Variants in UBIAD1 observed in about 807,000 individuals in gnomAD.
UBIAD1 encodes UbiA prenyltransferase domain containing 1, also known as ubiA prenyltransferase domain-containing protein 1.
Under a neutral mutation model 20.1 loss-of-function variants are expected in UBIAD1, and 12 were observed. The ratio of observed to expected loss-of-function variants is 0.60; its 90% confidence interval spans 0.38 to 0.97. The LOEUF (loss-of-function observed/expected upper bound fraction) is 0.97, where lower values mean the gene tolerates loss of function less well. Among genes scored for constraint, UBIAD1 ranks in the 50% least tolerant of loss-of-function variants. UBIAD1 has a pLI of 0.00. For missense variants in UBIAD1, 333 were observed against 419.5 expected (o/e 0.79, Z 1.80); for synonymous variants, 207 against 189.2 (o/e 1.09, Z -0.77).
chr1:11,285,783 C>T lies in UBIAD1; in HGVS notation c.669C>T (p.Leu223=), dbSNP rs1020032732. Residue 223 remains leucine (L), a synonymous_variant, in exon 2 of 2, where the codon CTC becomes CTT. Transcript: ENST00000376810. This position sits in a 1 kb window ranked among gnomAD's most constrained non-coding sequence, Gnocchi z 4.4. The part of the protein sequence containing the change: ...FPLVYAIPLA[L]STEAILHSNN... ...TGGTCTATGCCATCCCCCTCGCCCTCAGCACCGAGGCCATTCTCCATTCCA... is the reference window on the plus strand; with the variant it reads ...TGGTCTATGCCATCCCCCTCGCCCTTAGCACCGAGGCCATTCTCCATTCCA... The T allele has an allele frequency of 1.2e-6, 2 of 1,614,218 alleles. No individual in the cohort carries two copies. The highest frequency in any genetic ancestry group is 2.2e-5 in the East Asian group (1 of 44,878).
downstream of UBIAD1, among the ~76,000 whole-genome samples, chr1:11,296,832 T>C (rs1366437719): frequency 6.6e-6 from 1 of 152,106 alleles, no homozygotes; most frequent in Non-Finnish European, 1.5e-5. Flanking sequence ...CTTTCCTTTC[T>C]TATGGATGAC....
chr1:11,290,055 G>A (rs530244669), downstream of UBIAD1, among the ~76,000 whole-genome samples: 4 of 152,038 alleles, frequency 2.6e-5, no homozygotes, highest in South Asian at 2.1e-4. Context: ...TAGTAGAGAC[G>A]GGGTTTTACC....
chr1:11,293,827 C>G (rs1356471180), intron 1 of UBIAD1, among the ~76,000 whole-genome samples: 2 of 152,234 alleles, frequency 1.3e-5, no homozygotes, highest in African/African-American at 4.8e-5. Flanking sequence ...AGGCACCCAC[C>G]ACCATGCCCA....
chr1:11,273,582 G>A lies in UBIAD1; in HGVS notation c.51G>A (p.Glu17=), dbSNP rs147500405. 185 of 1,613,692 alleles carry A rather than the reference G, an allele frequency of 1.1e-4. No homozygotes were observed. The African/African-American group carries it at 2.3e-3, about 20-fold the overall frequency. ...LGEKINILSG[E]TVKAGDRDPL... is the part of the protein sequence containing the mutation. ...AGAAGATTAACATCCTGTCGGGAGA[G>A]ACTGTCAAAGCTGGGGACAGGGACC... is the stretch of plus-strand genomic sequence containing the variant. The change falls in exon 1 of 2, where the codon GAG becomes GAA. Residue 17 remains glutamate (E), a synonymous_variant. Coordinates refer to ENST00000376810, the MANE Select transcript of UBIAD1 (RefSeq NM_013319.3). The surrounding 1 kb of genome is among the most constrained non-coding windows in gnomAD (Gnocchi z 4.9).
At chr1:11,293,166 G>A (rs1294715831), downstream of UBIAD1, among the ~76,000 whole-genome samples, 3 of 152,234 alleles carry the variant, frequency 2.0e-5, no homozygotes, top group Non-Finnish European at 4.4e-5. Flanking sequence ...AGGCTGAGTG[G>A]GGTATCACAA....
In UBIAD1 at chr1:11,273,304, G is replaced by C. The variant is rs1338683065; in HGVS notation, c.-228G>C. On this transcript the variant is annotated 5_prime_UTR_variant, in exon 1 of 2. Transcript: ENST00000376810. The surrounding 1 kb of genome is among the most constrained non-coding windows in gnomAD (Gnocchi z 4.9). ...GGCTCTAACGCGGGGCTGGGGGCCGGAGACAGACTTCGCCCAGGTGACGGG... is the reference window on the plus strand; with the variant it reads ...GGCTCTAACGCGGGGCTGGGGGCCGCAGACAGACTTCGCCCAGGTGACGGG... The C allele has an allele frequency of 1.7e-6, 1 of 588,742 alleles. No homozygotes were observed. Among genetic ancestry groups the C allele is most frequent in the South Asian group, 2.0e-5 (1 of 50,804 alleles). The allele number at this position is 588,742 out of a possible 1,614,324, so 36.5% of individuals were successfully genotyped here.
chr1:11,297,049 G>A (rs1295858441), downstream of UBIAD1, among the ~76,000 whole-genome samples: 3 of 152,172 alleles, frequency 2.0e-5, no homozygotes, highest in African/African-American at 7.2e-5. Context: ...AGATCTCTAT[G>A]CTCCCAGAGC....
downstream of UBIAD1, chr1:11,291,925 A>G (rs1347458308): frequency 2.0e-5 from 3 of 152,120 alleles, no homozygotes; most frequent in African/African-American, 7.2e-5. Context: ...TTCAAAGGGT[A>G]AAACTAGGAC....
At chr1:11,289,774 G>A (rs1280327519), downstream of UBIAD1, among the ~76,000 whole-genome samples, 3 of 151,830 alleles carry the variant, frequency 2.0e-5, no homozygotes, top group Non-Finnish European at 4.4e-5. Flanking sequence ...TCTGTCGCAC[G>A]GGCTAGAGTG....
chr1:11,276,867 TATAAG>T (rs747410002), intron 1 of UBIAD1, among the ~76,000 whole-genome samples: 69 of 152,246 alleles, frequency 4.5e-4, no homozygotes, highest in Non-Finnish European at 6.3e-4. Flanking sequence ...CATTTTTTAT[TATAAG>T]ATAGGTATCA....
At chr1:11,279,189 TTGG>T (rs1652162485) in intron 1 of UBIAD1, 1 of 231,714 alleles carries the variant, frequency 4.3e-6, no homozygotes, top group African/African-American at 2.3e-5. Flanking sequence ...TAATTTGTCC[TTGG>T]TGGCCCAATA....
intron 1 of UBIAD1, among the ~76,000 whole-genome samples, chr1:11,281,658 C>T (rs374057620): frequency 2.0e-5 from 3 of 152,258 alleles, no homozygotes; most frequent in Non-Finnish European, 2.9e-5. Context: ...ACCCACACCC[C>T]GTCATCATCC....
rs1178243487 is a variant in UBIAD1, at chr1:11,285,986, C to A, written c.872C>A (p.Pro291His). Reference protein sequence around the residue: ...ISLALPLLTIPMAFSLERQFR... With the variant: ...ISLALPLLTIHMAFSLERQFR... Reference sequence around the variant, plus strand: ...CTGGCACTCCCCCTGCTTACCATTCCCATGGCCTTCTCCCTTGAGAGACAG... The same window carrying A: ...CTGGCACTCCCCCTGCTTACCATTCACATGGCCTTCTCCCTTGAGAGACAG... Residue 291 changes from proline (P) to histidine (H), a missense_variant, in exon 2 of 2, where the codon CCC (proline) becomes CAC (histidine). This residue lies in a region of UBIAD1 where 226 missense variants were observed against 263.5 expected (regional missense o/e 0.86). Coordinates refer to ENST00000376810, the MANE Select transcript of UBIAD1 (RefSeq NM_013319.3). This position sits in a 1 kb window ranked among gnomAD's most constrained non-coding sequence, Gnocchi z 4.4. 1 of 1,614,220 alleles carries A rather than the reference C, an allele frequency of 6.2e-7. No homozygotes were observed. Among genetic ancestry groups the A allele is most frequent in the African/African-American group, 1.3e-5 (1 of 75,060 alleles).
Position 11,288,040 on chromosome 1 carries a change from A to C in UBIAD1, c.*1909A>C, listed in dbSNP as rs1440170510. 1 of 152,242 alleles carries C rather than the reference A, an allele frequency of 6.6e-6. No homozygotes were observed. The highest frequency in any genetic ancestry group is 1.5e-5 in the Non-Finnish European group (1 of 68,050). The allele number at this position is 152,242 out of a possible 1,614,324, so 9.4% of individuals were successfully genotyped here. On this transcript the variant is annotated 3_prime_UTR_variant, in exon 2 of 2. Transcript: ENST00000376810. ...TAATAGTGGGCAGAGCCCAGAGACA[A>C]GGGGAAGAAAGATGACCTTCTCCCC...
At chr1:11,292,939 C>T (rs1018546527), downstream of UBIAD1, among the ~76,000 whole-genome samples, 14 of 152,294 alleles carry the variant, frequency 9.2e-5, no homozygotes, top group African/African-American at 3.4e-4. Context: ...ACAGCCCTCC[C>T]ACTGTGAGTG....
downstream of UBIAD1, among the ~76,000 whole-genome samples, chr1:11,297,422 A>G (rs1171765327): frequency 6.6e-6 from 1 of 150,970 alleles, no homozygotes; most frequent in East Asian, 2.0e-4. Context: ...CCTGTGAGAC[A>G]TTTCTGTTGT....
intron 1 of UBIAD1, among the ~76,000 whole-genome samples, chr1:11,275,566 T>C: frequency 6.6e-6 from 1 of 151,910 alleles, no homozygotes; most frequent in Non-Finnish European, 1.5e-5. Context: ...CATAGACCCC[T>C]GTCTGTATAA....
At chr1:11,291,389 C>G (rs1638363146), downstream of UBIAD1, among the ~76,000 whole-genome samples, 1 of 152,172 alleles carries the variant, frequency 6.6e-6, no homozygotes, top group Non-Finnish European at 1.5e-5. Flanking sequence ...GGGTGGATCA[C>G]TTGAGTTCAG....
intron 1 of UBIAD1, among the ~76,000 whole-genome samples, chr1:11,276,902 T>G (rs1652053064): frequency 6.6e-6 from 1 of 152,130 alleles, no homozygotes; most frequent in South Asian, 2.1e-4. Context: ...TGAACATATT[T>G]TTCATACTAC....
Sources: allele counts gnomAD v4.1 joint callset (sites outside exome capture counted in the v4.1 genomes callset), GRCh38; gene constraint gnomAD v4.1.1; regional missense constraint gnomAD v4.1.1; non-coding constraint Gnocchi (gnomAD v3.1); transcripts MANE v1.5; gene names NCBI Gene and HGNC (gene_info 2026-07-23, HGNC 2026-07-21).